RARB: variants seen among roughly 807,000 people sequenced by gnomAD.
The protein encoded by RARB is HBV-activated protein.
A neutral mutation model predicts 51.9 loss-of-function variants in RARB; 17 were observed. The observed-to-expected ratio is 0.33, with a 90% CI of 0.22 to 0.49. The LOEUF (loss-of-function observed/expected upper bound fraction) is 0.49, where lower values mean the gene tolerates loss of function less well. RARB is among the 20% of genes least tolerant of loss of function. The pLI is 0.99. For synonymous variants in RARB, 215 were observed against 195.4 expected (o/e 1.10, Z -0.84); for missense variants, 369 against 550.8 (o/e 0.67, Z 3.30).
rs140387100 is a variant in RARB, at chr3:25,020,235, G to C, written c.-379-39890G>C. ...TTTTCACAGGCATGATCCCACTGCT[G>C]ATCAGCACATGAGTTTTGACAGGCT... is the stretch of plus-strand genomic sequence containing the variant. On this transcript the variant is annotated intron_variant, in intron 2 of 11. Transcript: ENST00000383772. The C allele has an allele frequency of 1.1e-4, 17 of 151,962 alleles. No individual in the cohort carries two copies. In the East Asian group the frequency reaches 2.9e-3, roughly 26 times the overall value. 9.4% of individuals were successfully genotyped at this position (151,962 alleles called of 1,614,324 possible).
At chr3:24,938,061 G>A (rs1009104043) in intron 2 of RARB, among the ~76,000 whole-genome samples, 2 of 151,998 alleles carry the variant, frequency 1.3e-5, no homozygotes, top group Admixed American at 6.6e-5. Flanking sequence ...CACTCTTAAT[G>A]ATTTGCATGG....
chr3:24,951,657 A>G (rs1300025521), intron 2 of RARB, among the ~76,000 whole-genome samples: 1 of 152,210 alleles, frequency 6.6e-6, no homozygotes, highest in African/African-American at 2.4e-5. Context: ...ACACTAGTCC[A>G]AAAGGATGTG....
At chr3:25,542,034 C>T (rs1699405533) in intron 3 of RARB, among the ~76,000 whole-genome samples, 1 of 152,210 alleles carries the variant, frequency 6.6e-6, no homozygotes, top group Non-Finnish European at 1.5e-5. Context: ...GAAAGCTAGG[C>T]ATAGCTTAAG....
At chr3:25,417,720 A>G (rs1175256866) in intron 5 of RARB, among the ~76,000 whole-genome samples, 3 of 152,238 alleles carry the variant, frequency 2.0e-5, no homozygotes, top group Non-Finnish European at 4.4e-5. Context: ...ACAGCCTGGG[A>G]AAGTACAAGA....
At chr3:25,213,660 C>T (rs965826933) in intron 5 of RARB, among the ~76,000 whole-genome samples, 2 of 152,290 alleles carry the variant, frequency 1.3e-5, no homozygotes, top group Middle Eastern at 3.4e-3. Context: ...CCCAAAACAG[C>T]TTTTAAACAA....
chr3:25,569,263 T>A (rs2125284896), intron 3 of RARB, among the ~76,000 whole-genome samples: 2 of 152,364 alleles, frequency 1.3e-5, no homozygotes, highest in Middle Eastern at 6.8e-3. Context: ...TCCTCTCAGA[T>A]GAGTTTCTTC....
intron 2 of RARB, among the ~76,000 whole-genome samples, chr3:24,899,264 A>G (rs996394344): frequency 9.2e-5 from 14 of 152,154 alleles, no homozygotes; most frequent in African/African-American, 3.4e-4. Flanking sequence ...TCACACGTAC[A>G]TGAAGCTAGC....
At chr3:25,556,892 G>A (rs930114827) in intron 3 of RARB, among the ~76,000 whole-genome samples, 12 of 152,266 alleles carry the variant, frequency 7.9e-5, no homozygotes, top group African/African-American at 2.9e-4. Context: ...TTATGAGTTT[G>A]AATTTCCATA....
At chr3:25,551,396 T>C (rs1405804801) in intron 3 of RARB, among the ~76,000 whole-genome samples, 2 of 152,202 alleles carry the variant, frequency 1.3e-5, no homozygotes, top group African/African-American at 4.8e-5. Context: ...AAACAGTAGA[T>C]AGACTCATCA....
chr3:25,143,565 G>A (rs763828972), intron 4 of RARB, among the ~76,000 whole-genome samples: 20 of 152,128 alleles, frequency 1.3e-4, no homozygotes, highest in Non-Finnish European at 2.5e-4. Context: ...TTCAAGCTTA[G>A]GCACTCCTCC....
intron 5 of RARB, among the ~76,000 whole-genome samples, chr3:25,301,946 G>C (rs1704051154): frequency 6.6e-6 from 1 of 152,174 alleles, no homozygotes; most frequent in Middle Eastern, 3.2e-3. Context: ...AGGAGAAAAG[G>C]ACAGTGGCCC....
intron 1 of RARB, among the ~76,000 whole-genome samples, chr3:24,831,820 C>A (rs1702286785): frequency 6.6e-6 from 1 of 152,112 alleles, no homozygotes; most frequent in African/African-American, 2.4e-5. Flanking sequence ...GATGGACAGA[C>A]CCTAAACTTC....
chr3:25,340,723 G>A (rs771988979), intron 5 of RARB, among the ~76,000 whole-genome samples: 20 of 152,186 alleles, frequency 1.3e-4, no homozygotes, highest in Non-Finnish European at 2.6e-4. Flanking sequence ...TTAGGGGGAA[G>A]CTCTGTCTGG....
chr3:25,537,437 C>T (rs1009522439), intron 3 of RARB, among the ~76,000 whole-genome samples: 1 of 152,184 alleles, frequency 6.6e-6, no homozygotes, highest in Non-Finnish European at 1.5e-5. Context: ...CACACACAAA[C>T]GTCACTTATT....
chr3:24,876,884 A>G (rs1182486802), intron 2 of RARB, among the ~76,000 whole-genome samples: 1 of 152,208 alleles, frequency 6.6e-6, no homozygotes, highest in East Asian at 1.9e-4. Context: ...CTTCCCAGGC[A>G]TAAACATACT....
intron 5 of RARB, among the ~76,000 whole-genome samples, chr3:25,214,616 C>A (rs922966943): frequency 6.6e-6 from 1 of 152,084 alleles, no homozygotes; most frequent in African/African-American, 2.4e-5. Context: ...TTTAACAGGG[C>A]GTCCTGAAAT....
chr3:25,473,932 A>AAAAAAAAAAAAAC, intron 2 of RARB, among the ~76,000 whole-genome samples: 1 of 151,646 alleles, frequency 6.6e-6, no homozygotes, highest in African/African-American at 2.4e-5. Context: ...AAAAAAAAAA[A>AAAAAAAAAAAAAC]ACCTTTATCT....
chr3:25,085,451 C>T (rs1322363184), intron 3 of RARB, among the ~76,000 whole-genome samples: 1 of 152,054 alleles, frequency 6.6e-6, no homozygotes, highest in Non-Finnish European at 1.5e-5. Context: ...TGGGGGAATT[C>T]TTGGTCTAAT....
chr3:25,173,860 AGAGTGATATAGTCAAATAACACAG>A (rs1316559771), intron 4 of RARB, among the ~76,000 whole-genome samples: 2 of 152,214 alleles, frequency 1.3e-5, no homozygotes, highest in East Asian at 1.9e-4. Context: ...AAAATTTAGC[AGAGTGATATAGTCAAATAACACAG>A]GAGTGGAGGT....
Sources: allele counts gnomAD v4.1 joint callset (sites outside exome capture counted in the v4.1 genomes callset), GRCh38; gene constraint gnomAD v4.1.1; transcripts MANE v1.5; gene names NCBI Gene and HGNC (gene_info 2026-07-23, HGNC 2026-07-21).